Variants in RABEP1 observed in about 807,000 individuals in gnomAD.
RABEP1 encodes the protein rabaptin, RAB GTPase binding effector protein 1.
In RABEP1, 51 loss-of-function variants were observed where a neutral mutation model predicts 123.4. That is an observed-to-expected ratio of 0.41 (90% CI 0.33 to 0.52). RABEP1 has a LOEUF of 0.52. Ranked by LOEUF, RABEP1 falls within the 20% of genes least tolerant of loss-of-function variation. The pLI, the probability that RABEP1 is intolerant of heterozygous loss-of-function variation, is 0.16. For missense variants in RABEP1, 888 were observed against 996.3 expected, an observed-to-expected ratio of 0.89 and a Z score of 1.46; for synonymous variants, 347 against 355.2, an observed-to-expected ratio of 0.98 and a Z score of 0.26.
intron 4 of RABEP1, chr17:5,336,710 C>CT: frequency 7.9e-5 from 19 of 241,262 alleles, no homozygotes; most frequent in East Asian, 1.0e-4. Flanking sequence ...TTCCTCCCTC[C>CT]TTTTTTTTCC....
intron 1 of RABEP1, among the ~76,000 whole-genome samples, chr17:5,303,317 C>G (rs1279006264): frequency 2.0e-5 from 3 of 152,164 alleles, no homozygotes; most frequent in African/African-American, 7.2e-5. Context: ...TCTTGGCTCA[C>G]TGCAACCTCT....
At chr17:5,373,112 A>G (rs147934546) in intron 12 of RABEP1, among the ~76,000 whole-genome samples, 76 of 152,292 alleles carry the variant, frequency 5.0e-4, no homozygotes, top group Admixed American at 2.9e-3. Context: ...AGCCTCAGAT[A>G]CTTGCTTCAT....
chr17:5,327,494 A>G (rs752107136), intron 2 of RABEP1, among the ~76,000 whole-genome samples: 1 of 152,174 alleles, frequency 6.6e-6, no homozygotes, highest in Non-Finnish European at 1.5e-5. Context: ...TCATGTAACC[A>G]CTGTTGTGTA....
intron 17 of RABEP1, 134 bp downstream of exon 17, chr17:5,381,639 C>G (rs756645267): frequency 1.4e-6 from 2 of 1,400,876 alleles, no homozygotes; most frequent in Non-Finnish European, 1.9e-6. Context: ...CCCCAAATGT[C>G]TGACTCATCA....
At chr17:5,323,364 G>T (rs539122266) in intron 2 of RABEP1, among the ~76,000 whole-genome samples, 1 of 152,120 alleles carries the variant, frequency 6.6e-6, no homozygotes, top group African/African-American at 2.4e-5. Context: ...AGAACACTTA[G>T]GCAAGAGAAA....
intron 5 of RABEP1, among the ~76,000 whole-genome samples, chr17:5,345,245 G>T (rs1907975813): frequency 6.6e-6 from 1 of 152,120 alleles, no homozygotes; most frequent in African/African-American, 2.4e-5. Context: ...GGTTTCTCAT[G>T]ACCCTCATTG....
At chr17:5,339,811 A>G (rs1027958671) in intron 5 of RABEP1, among the ~76,000 whole-genome samples, 1 of 152,140 alleles carries the variant, frequency 6.6e-6, no homozygotes, top group Non-Finnish European at 1.5e-5. Flanking sequence ...TCAAAAAAAG[A>G]AAGAAAAAAA....
rs750674582 is a variant in RABEP1, at chr17:5,361,283, A to G, written c.1171A>G (p.Ser391Gly). The G allele has an allele frequency of 1.4e-5, 22 of 1,614,046 alleles. No individual in the cohort carries two copies. The highest frequency in any genetic ancestry group is 1.7e-5 in the Non-Finnish European group (20 of 1,180,044). ...GCTGTTGCCATCTGGAGATCCTTTC[A>G]GTAAATCGGACAATGACATGTTTAA... The part of the protein sequence containing the change: ...GLLLPSGDPF[S>G]KSDNDMFKDG... The change falls in exon 9 of 18, where the codon AGT (serine) becomes GGT (glycine). Residue 391 changes from serine (S) to glycine (G), a missense_variant. Ser to Gly is a moderately conservative substitution (Grantham distance 56). Transcript: ENST00000537505.
intron 5 of RABEP1, 163 bp downstream of exon 5, chr17:5,338,301 C>T (rs1238784507): frequency 2.3e-6 from 2 of 853,646 alleles, no homozygotes; most frequent in Middle Eastern, 3.6e-4. Flanking sequence ...GTGGCTCACG[C>T]CTGTAATCCC....
rs776089053 is a variant in RABEP1 at position 5,338,119 on chromosome 17, A to G, written c.629A>G (p.Lys210Arg). 2 of 1,613,456 alleles carry G rather than the reference A, an allele frequency of 1.2e-6. No individual in the cohort carries two copies. The highest frequency in any genetic ancestry group is 1.7e-6 in the Non-Finnish European group (2 of 1,179,516). ...DKLTEAEDKI[K>R]ELEASKVKEL... The stretch of plus-strand genomic sequence containing the variant: ...CTGACAGAGGCTGAAGACAAAATTA[A>G]AGAGCTGGAGGCCTCAAAGGTTATG... The change falls in exon 5 of 18, where the codon AAA (lysine) becomes AGA (arginine). Residue 210 changes from lysine to arginine, a missense_variant. Transcript: ENST00000537505.
chr17:5,369,722 CAG>C (rs1218555672), intron 12 of RABEP1, among the ~76,000 whole-genome samples: 2 of 151,146 alleles, frequency 1.3e-5, no homozygotes, highest in South Asian at 4.2e-4. Context: ...TTTTTTGAGA[CAG>C]AGTTCTGCTT....
chr17:5,355,034 G>C (rs1908896650), intron 8 of RABEP1, among the ~76,000 whole-genome samples: 1 of 152,204 alleles, frequency 6.6e-6, no homozygotes, highest in Non-Finnish European at 1.5e-5. Flanking sequence ...CTCACCTACA[G>C]TGTGGCAAGG....
In RABEP1 at chr17:5,325,486, G is replaced by A. The variant is rs540642570; in HGVS notation, c.164-6463G>A. ...GAGGCTAAAAAAGTGGATCTCATGA[G>A]AAGATAGACTAGATTGGTGGTACGA... On this transcript the variant is annotated intron_variant, in intron 2 of 17. Transcript: ENST00000537505. Among the ~76,000 whole-genome samples, 29 of 152,270 alleles carry A rather than the reference G, an allele frequency of 1.9e-4. No homozygotes were observed. The South Asian group carries it at 3.3e-3, about 17-fold the overall frequency.
intron 2 of RABEP1, among the ~76,000 whole-genome samples, chr17:5,319,428 G>T (rs1018592688): frequency 2.0e-5 from 3 of 151,076 alleles, no homozygotes; most frequent in African/African-American, 7.3e-5. Context: ...GTGCAGTGCC[G>T]CAATCTCGGC....
At chr17:5,303,296 C>T (rs2075151951) in intron 1 of RABEP1, among the ~76,000 whole-genome samples, 1 of 152,020 alleles carries the variant, frequency 6.6e-6, no homozygotes, top group Admixed American at 6.6e-5. Context: ...GGCTGGAATG[C>T]AGTGGTGCGA....
intron 15 of RABEP1, among the ~76,000 whole-genome samples, chr17:5,380,089 A>G (rs1030155086): frequency 3.9e-5 from 6 of 152,372 alleles, no homozygotes; most frequent in Admixed American, 3.3e-4. Context: ...CTTTTCTGGC[A>G]GAATTAAATG....
intron 8 of RABEP1, among the ~76,000 whole-genome samples, chr17:5,360,668 C>T (rs1349475939): frequency 6.6e-6 from 1 of 152,230 alleles, no homozygotes; most frequent in Non-Finnish European, 1.5e-5. Context: ...GCCCTTGGCC[C>T]TCTTTGCCTA....
Position 5,367,903 on chromosome 17 carries a change from C to T in RABEP1, c.1786-467C>T, listed in dbSNP as rs139068986. 4.3e-4 allele frequency among the ~76,000 whole-genome samples: 65 copies of T among 150,844 alleles called. 2 individuals are homozygous for T. The highest frequency in any genetic ancestry group is 8.2e-4 in the East Asian group (4 of 4,902). On this transcript the variant is annotated intron_variant, in intron 11 of 17. Transcript: ENST00000537505. Reference sequence around the variant, plus strand: ...CCCGAGTAGCTGGAATACAGGTGCCCGCCACCACACCCAGCTAATTTTTTT... The same window carrying T: ...CCCGAGTAGCTGGAATACAGGTGCCTGCCACCACACCCAGCTAATTTTTTT...
At position 5,359,828 on chromosome 17, in the gene RABEP1, T is replaced by C. The variant is rs572650838; in HGVS notation, c.1096-1380T>C. ...ACATTGTCATTTAAATGGAATAAATTTAGTTGGAAGGAAAACTTGTTACAT... is the reference window on the plus strand; with the variant it reads ...ACATTGTCATTTAAATGGAATAAATCTAGTTGGAAGGAAAACTTGTTACAT... On this transcript the variant is annotated intron_variant, in intron 8 of 17. Transcript: ENST00000537505. Among the ~76,000 whole-genome samples the C allele has an allele frequency of 2.0e-5, 3 of 152,308 alleles. No homozygotes were observed. The South Asian group carries it at 6.2e-4, about 32-fold the overall frequency.
Sources: allele counts gnomAD v4.1 joint callset (sites outside exome capture counted in the v4.1 genomes callset), GRCh38; gene constraint gnomAD v4.1.1; transcripts MANE v1.5; gene names NCBI Gene and HGNC (gene_info 2026-07-23, HGNC 2026-07-21).